NUP98: variants seen among roughly 807,000 people sequenced by gnomAD.
The protein encoded by NUP98 is nucleoporin 98 and 96 precursor.
A neutral mutation model predicts 191.9 loss-of-function variants in NUP98; 26 were observed. The observed-to-expected ratio is 0.14, with a 90% CI of 0.10 to 0.19. The LOEUF is 0.19. Ranked by LOEUF, NUP98 falls within the 10% of genes least tolerant of loss-of-function variation. The pLI, the probability that NUP98 is intolerant of heterozygous loss-of-function variation, is 1.00. For missense variants in NUP98, 1,941 were observed against 2,178.8 expected, an observed-to-expected ratio of 0.89 and a Z score of 2.17; for synonymous variants, 808 against 778.4, an observed-to-expected ratio of 1.04 and a Z score of -0.63.
At chr11:3,755,905 G>C (rs1215934886) in intron 10 of NUP98, among the ~76,000 whole-genome samples, 1 of 152,170 alleles carries the variant, frequency 6.6e-6, no homozygotes, top group Non-Finnish European at 1.5e-5. Flanking sequence ...GAAGGTTGCA[G>C]TGAGCCAAAA....
intron 16 of NUP98, among the ~76,000 whole-genome samples, chr11:3,722,924 C>A (rs2079458487): frequency 6.6e-6 from 1 of 152,174 alleles, no homozygotes; most frequent in Admixed American, 6.5e-5. Context: ...CTTTAGACTA[C>A]ACCAGGATAA....
chr11:3,724,604 C>T (rs1589813330), intron 15 of NUP98, among the ~76,000 whole-genome samples: 1 of 151,598 alleles, frequency 6.6e-6, no homozygotes, highest in East Asian at 1.9e-4. Context: ...CCATCCTTGG[C>T]TAACAAGGTG....
intron 1 of NUP98, among the ~76,000 whole-genome samples, chr11:3,792,396 T>G (rs61896921): frequency 0.089 from 13,466 of 152,004 alleles, 744 homozygotes; most frequent in African/African-American, 0.14. Flanking sequence ...GATCACTTGA[T>G]GTCAGGAGTT....
chr11:3,729,018 T>C (rs2079730282), intron 14 of NUP98, among the ~76,000 whole-genome samples: 1 of 152,112 alleles, frequency 6.6e-6, no homozygotes, highest in African/African-American at 2.4e-5. Flanking sequence ...TAGAACAGGT[T>C]TGAGAAAGAA....
At chr11:3,748,282 G>A (rs2080585574) in intron 11 of NUP98, among the ~76,000 whole-genome samples, 1 of 152,138 alleles carries the variant, frequency 6.6e-6, no homozygotes, top group Admixed American at 6.6e-5. Flanking sequence ...AATAAAACTT[G>A]TGGCTGGGCG....
In NUP98 at chr11:3,676,610, G is replaced by A. The variant is rs1006038258; in HGVS notation, c.5084C>T (p.Ser1695Leu). The part of the protein sequence containing the change: ...MLRHIQQVDC[S>L]GNDLEQLHIK... ...GTGTAACTGCTCCAGGTCATTACCT[G>A]AGCAATCCACCTACAAAGAAGCAGA... The change falls in exon 32 of 33, where the codon TCA becomes TTA. Residue 1695 changes from serine to leucine, a missense_variant. By Grantham distance (145) the Ser-to-Leu change is moderately radical. This residue lies in a region of NUP98 where 1,030 missense variants were observed against 1,115.8 expected (regional missense o/e 0.92). Coordinates refer to ENST00000324932, the MANE Select transcript of NUP98 (RefSeq NM_016320.5). The A allele has an allele frequency of 1.5e-5, 25 of 1,613,474 alleles. No individual in the cohort carries two copies. Among genetic ancestry groups the A allele is most frequent in the Non-Finnish European group, 1.7e-5 (20 of 1,179,550 alleles).
intron 6 of NUP98, among the ~76,000 whole-genome samples, chr11:3,773,302 G>C (rs1027126587): frequency 6.6e-6 from 1 of 151,890 alleles, no homozygotes; most frequent in African/African-American, 2.4e-5. Context: ...TACTTCGGAG[G>C]CTAAGGACAT....
chr11:3,786,353 T>G (rs1375156006), intron 1 of NUP98, among the ~76,000 whole-genome samples: 1 of 152,238 alleles, frequency 6.6e-6, no homozygotes. Context: ...ATCTCTTTTA[T>G]GGAGTAAGGA....
chr11:3,738,470 G>C (rs1422089850), intron 12 of NUP98, among the ~76,000 whole-genome samples: 1 of 152,144 alleles, frequency 6.6e-6, no homozygotes, highest in Non-Finnish European at 1.5e-5. Flanking sequence ...CCAGAAGAAA[G>C]TCAGTGGGTT....
intron 11 of NUP98, among the ~76,000 whole-genome samples, chr11:3,748,753 C>T (rs1375259524): frequency 1.3e-5 from 2 of 152,094 alleles, no homozygotes; most frequent in African/African-American, 4.8e-5. Flanking sequence ...CGTACCAAAG[C>T]TATTTTTTCC....
At chr11:3,792,717 G>T (rs145893376) in intron 1 of NUP98, among the ~76,000 whole-genome samples, 19 of 152,246 alleles carry the variant, frequency 1.2e-4, no homozygotes, top group African/African-American at 4.6e-4. Flanking sequence ...TAAAATCACA[G>T]AAGTGTAAAG....
intron 9 of NUP98, among the ~76,000 whole-genome samples, chr11:3,762,065 T>G (rs186330758): frequency 1.4e-4 from 22 of 152,322 alleles, no homozygotes; most frequent in Non-Finnish European, 2.9e-4. Context: ...AAAGAGAAAT[T>G]TCAATCTCCA....
chr11:3,680,790 C>T (rs971509295), intron 30 of NUP98, among the ~76,000 whole-genome samples: 9 of 152,184 alleles, frequency 5.9e-5, no homozygotes, highest in Non-Finnish European at 1.2e-4. Context: ...TCAAGAGATC[C>T]ACTCATCTTG....
chr11:3,679,613 A>C lies in NUP98; in HGVS notation c.5014T>G (p.Ser1672Ala), dbSNP rs1400980586. Residue 1672 changes from serine (S) to alanine (A), a missense_variant, in exon 31 of 33, where the codon TCT (serine) becomes GCT (alanine). Coordinates refer to ENST00000324932, the MANE Select transcript of NUP98 (RefSeq NM_016320.5). Reference sequence around the variant, plus strand: ...ATATAGTCCAGGTAAACAAGCCCAGATGTTTCCCAATCCTGAATTAGGCTG... The same window carrying C: ...ATATAGTCCAGGTAAACAAGCCCAGCTGTTTCCCAATCCTGAATTAGGCTG... ...RSSLIQDWET[S>A]GLVYLDYIRV... is the part of the protein sequence containing the mutation. The C allele has an allele frequency of 6.2e-7, 1 of 1,614,230 alleles. No individual in the cohort carries two copies. The highest frequency in any genetic ancestry group is 2.2e-5 in the East Asian group (1 of 44,890).
At chr11:3,744,459 A>T (rs953920054) in intron 12 of NUP98, 50 bp downstream of exon 12, 3 of 1,560,038 alleles carry the variant, frequency 1.9e-6, no homozygotes, top group African/African-American at 2.8e-5. Context: ...TCAGGTCAGC[A>T]AGTATTAGCA....
At position 3,684,252 on chromosome 11, in the gene NUP98, T is replaced by A. The variant is rs1176374171; in HGVS notation, c.4677-811A>T. 7.9e-5 allele frequency among the ~76,000 whole-genome samples: 12 copies of A among 151,492 alleles called. No homozygotes were observed. The South Asian group carries it at 1.0e-3, about 13-fold the overall frequency. On this transcript the variant is annotated intron_variant, in intron 29 of 32. Coordinates refer to ENST00000324932, the MANE Select transcript of NUP98 (RefSeq NM_016320.5). ...ACAAAACAAACACATAGCATTAATT[T>A]TTAAAAATAAAATAAAGTATTTTCA...
chr11:3,691,119 G>C (rs2078298754), intron 28 of NUP98, among the ~76,000 whole-genome samples: 1 of 152,130 alleles, frequency 6.6e-6, no homozygotes, highest in Non-Finnish European at 1.5e-5. Flanking sequence ...TTATCACACT[G>C]CATACTTTAT....
intron 16 of NUP98, 88 bp downstream of exon 16, chr11:3,723,069 G>T: frequency 8.1e-7 from 1 of 1,241,592 alleles, no homozygotes; most frequent in Non-Finnish European, 1.1e-6. Flanking sequence ...ATGCCAAACA[G>T]CTGACTTCCA....
At chr11:3,686,447 T>C (rs530006379) in intron 28 of NUP98, among the ~76,000 whole-genome samples, 1 of 152,248 alleles carries the variant, frequency 6.6e-6, no homozygotes, top group African/African-American at 2.4e-5. Context: ...TGGTTTGGCG[T>C]ATGTATTTTA....
Sources: gnomAD v4.1 joint callset for allele counts (sites outside exome capture counted in the v4.1 genomes callset) on GRCh38, gnomAD v4.1.1 for gene constraint, gnomAD v4.1.1 regional missense constraint, MANE v1.5 for transcripts, NCBI Gene and HGNC (gene_info 2026-07-23, HGNC 2026-07-21) for gene names.